The following YWHAE variants were observed in gnomAD, a reference collection of about 807,000 sequenced individuals.
The protein encoded by YWHAE is tyrosine 3-monooxygenase/tryptophan 5-monooxygenase activation protein epsilon.
A neutral mutation model predicts 30.1 loss-of-function variants in YWHAE; 4 were observed. That is an observed-to-expected ratio of 0.13 (90% CI 0.07 to 0.30). YWHAE has a LOEUF of 0.30. Ranked by LOEUF, YWHAE falls within the 10% of genes least tolerant of loss-of-function variation. YWHAE has a pLI of 1.00. For missense variants in YWHAE, 121 were observed against 315.9 expected, an observed-to-expected ratio of 0.38 and a Z score of 4.68; for synonymous variants, 118 against 111.8, an observed-to-expected ratio of 1.06 and a Z score of -0.35.
In YWHAE at chr17:1,370,195, C is replaced by T. The variant is rs370953396; in HGVS notation, c.65-5137G>A. On this transcript the variant is annotated intron_variant, in intron 1 of 5. Transcript: ENST00000264335. ...AGGCTGGAGTGCCTGGGCGTGATCT[C>T]GGCTCACTGCAAGCTCCGCCTCCCA... Among the ~76,000 whole-genome samples the T allele has an allele frequency of 2.6e-4, 36 of 136,150 alleles. 1 individual carries two copies. The highest frequency in any genetic ancestry group is 4.6e-3 in the Middle Eastern group (1 of 216). The allele number at this position is 136,150 out of a possible 152,430, so 89.3% of individuals were successfully genotyped here.
At chr17:1,356,493 G>A (rs1180533487) in intron 4 of YWHAE, among the ~76,000 whole-genome samples, 1 of 152,192 alleles carries the variant, frequency 6.6e-6, no homozygotes, top group East Asian at 1.9e-4. Flanking sequence ...CACACTTCAG[G>A]TTTAAGCAGA....
intron 1 of YWHAE, among the ~76,000 whole-genome samples, chr17:1,371,170 C>A (rs2073037309): frequency 6.6e-6 from 1 of 152,050 alleles, no homozygotes. Context: ...ACAGCCTCAA[C>A]CTCCCCAGCT....
chr17:1,381,028 G>C (rs9912147), intron 1 of YWHAE, among the ~76,000 whole-genome samples: 96,708 of 152,092 alleles, frequency 0.64, 32,976 homozygotes, highest in African/African-American at 0.89. Context: ...TATAAGTAAC[G>C]ATTTTATTAC....
chr17:1,355,096 C>G (rs2072711030), intron 4 of YWHAE, among the ~76,000 whole-genome samples: 2 of 96,758 alleles, frequency 2.1e-5, no homozygotes, highest in South Asian at 8.0e-4. Context: ...ACGGTACACA[C>G]TACCACCCCC....
In YWHAE at chr17:1,354,868, T is replaced by C. The variant is rs192556531; in HGVS notation, c.579-521A>G. Among the ~76,000 whole-genome samples, 251 of 151,136 alleles carry C rather than the reference T, an allele frequency of 1.7e-3. 1 individual carries two copies. Among genetic ancestry groups the C allele is most frequent in the Middle Eastern group, 0.014 (4 of 294 alleles). On this transcript the variant is annotated intron_variant, in intron 4 of 5. Coordinates refer to ENST00000264335, the MANE Select transcript of YWHAE (RefSeq NM_006761.5). ...TAGTAGAGATGGGGTTTCACCGTGT[T>C]AGCCAGGATGGTCTCGATCTCCTGA... is the stretch of plus-strand genomic sequence containing the variant.
chr17:1,359,164 AAAAG>A (rs915394890), intron 4 of YWHAE, among the ~76,000 whole-genome samples: 3 of 151,836 alleles, frequency 2.0e-5, no homozygotes, highest in African/African-American at 7.3e-5. Context: ...AAAAAAAAGG[AAAAG>A]AAAAGGCCAG....
At chr17:1,353,446 A>G (rs533209402) in intron 5 of YWHAE, among the ~76,000 whole-genome samples, 1 of 140,760 alleles carries the variant, frequency 7.1e-6, no homozygotes, top group Non-Finnish European at 1.5e-5. Context: ...TCAAAAAAAA[A>G]AAAAGAAAAG....
In YWHAE at chr17:1,364,910, T is replaced by C; in HGVS notation, c.213A>G (p.Glu71=). The change falls in exon 2 of 6, where the codon GAA becomes GAG. Residue 71 remains glutamate, a synonymous_variant. Transcript: ENST00000264335. ...TTAGCTTGTCTTCTCCTCCCTTGTT[T>C]TCTTCTTTCTGTTCAATGCTGCTGA... ...RIISSIEQKE[E]NKGGEDKLKM... is the part of the protein sequence containing the mutation. 2 of 1,614,148 alleles carry C rather than the reference T, an allele frequency of 1.2e-6. No homozygotes were observed. Among genetic ancestry groups the C allele is most frequent in the Non-Finnish European group, 1.7e-6 (2 of 1,180,000 alleles).
At chr17:1,383,769 G>A (rs1473586157) in intron 1 of YWHAE, among the ~76,000 whole-genome samples, 1 of 152,060 alleles carries the variant, frequency 6.6e-6, no homozygotes, top group Non-Finnish European at 1.5e-5. Flanking sequence ...ATTATAAACA[G>A]TTAATAAACC....
chr17:1,382,299 C>A (rs186891485), intron 1 of YWHAE, among the ~76,000 whole-genome samples: 2,761 of 150,040 alleles, frequency 0.018, 40 homozygotes, highest in Non-Finnish European at 0.026. Flanking sequence ...CTGCCCGCCT[C>A]GGCCTCCCAA....
chr17:1,347,867 C>T, intron 5 of YWHAE: 1 of 758,326 alleles, frequency 1.3e-6, no homozygotes, highest in Non-Finnish European at 1.6e-6. Context: ...GTGGAACAGG[C>T]AGAGTCTGTA....
intron 4 of YWHAE, among the ~76,000 whole-genome samples, chr17:1,355,939 C>T (rs934632310): frequency 5.3e-5 from 8 of 152,112 alleles, no homozygotes; most frequent in African/African-American, 9.6e-5. Flanking sequence ...GAGGCAGAAG[C>T]GGGCGGATCA....
chr17:1,365,807 T>G (rs1311483863), intron 1 of YWHAE, among the ~76,000 whole-genome samples: 1 of 152,218 alleles, frequency 6.6e-6, no homozygotes, highest in African/African-American at 2.4e-5. Flanking sequence ...TCTTTGGTGA[T>G]GAGACTCAAG....
intron 4 of YWHAE, 116 bp downstream of exon 4, chr17:1,360,976 A>T (rs1880987224): frequency 1.1e-6 from 1 of 943,872 alleles, no homozygotes; most frequent in Non-Finnish European, 1.6e-6. Context: ...TAAGAGCCAA[A>T]AGAATTACTA....
intron 4 of YWHAE, among the ~76,000 whole-genome samples, chr17:1,357,792 T>C (rs1372501971): frequency 6.6e-6 from 1 of 151,600 alleles, no homozygotes; most frequent in Non-Finnish European, 1.5e-5. Flanking sequence ...CTGGGTATGG[T>C]GGCGGGCGTC....
chr17:1,357,414 A>AAT (rs1206621848), intron 4 of YWHAE, among the ~76,000 whole-genome samples: 4 of 150,002 alleles, frequency 2.7e-5, no homozygotes, highest in Non-Finnish European at 5.9e-5. Context: ...AAAAAAAAAA[A>AAT]AAAAAAATAC....
intron 1 of YWHAE, among the ~76,000 whole-genome samples, chr17:1,380,774 C>G (rs1023038176): frequency 5.3e-4 from 81 of 152,284 alleles, no homozygotes; most frequent in African/African-American, 1.9e-3. Flanking sequence ...ATTCTTACAT[C>G]TCATATATTT....
At chr17:1,395,461 G>A (rs1422305168) in intron 1 of YWHAE, among the ~76,000 whole-genome samples, 1 of 152,146 alleles carries the variant, frequency 6.6e-6, no homozygotes, top group Non-Finnish European at 1.5e-5. Context: ...CCTGGGAGGC[G>A]GAGGTTGCAG....
Position 1,348,674 on chromosome 17 carries a change from C to T in YWHAE, c.716-3175G>A, listed in dbSNP as rs141907468. Among the ~76,000 whole-genome samples the T allele has an allele frequency of 5.9e-3, 902 of 152,294 alleles. 11 individuals carry two copies. The highest frequency in any genetic ancestry group is 9.6e-3 in the Non-Finnish European group (650 of 68,024). ...GGCTCAAGTGATCCTTCTGCCTCAC[C>T]TTGCTGAACAGCCGAGATTACAGGC... On this transcript the variant is annotated intron_variant, in intron 5 of 5. Transcript: ENST00000264335.
Sources: allele counts gnomAD v4.1 joint callset (sites outside exome capture counted in the v4.1 genomes callset), GRCh38; gene constraint gnomAD v4.1.1; transcripts MANE v1.5; gene names NCBI Gene and HGNC (gene_info 2026-07-23, HGNC 2026-07-21).